The following MYOM2 variants were observed in gnomAD, a reference collection of about 807,000 sequenced individuals.
MYOM2 encodes the protein myomesin 2, also known as myomesin-2.
In MYOM2, 254 loss-of-function variants were observed where a neutral mutation model predicts 187.6. That is an observed-to-expected ratio of 1.35 (90% confidence interval 1.22 to 1.50). The LOEUF (loss-of-function observed/expected upper bound fraction) is 1.50. Ranked by LOEUF, MYOM2 falls within the 40% of genes most tolerant of loss-of-function variation. The pLI is 0.00. For missense variants in MYOM2, 2,796 were observed against 1,924.0 expected (o/e 1.45, Z -8.48); for synonymous variants, 981 against 753.8 (o/e 1.30, Z -4.94).
intron 13 of MYOM2, among the ~76,000 whole-genome samples, chr8:2,082,677 G>T (rs1819669120): frequency 1.3e-5 from 2 of 152,174 alleles, no homozygotes; most frequent in East Asian, 1.9e-4. Flanking sequence ...GGCCAGAATA[G>T]ACCCTCACAG....
chr8:2,090,641 G>C (rs1796267598), intron 15 of MYOM2, among the ~76,000 whole-genome samples: 1 of 152,028 alleles, frequency 6.6e-6, no homozygotes, highest in South Asian at 2.1e-4. Flanking sequence ...CCCTCTGATA[G>C]TCCCCCGTGT....
At chr8:2,111,814 T>G (rs1243882056) in intron 25 of MYOM2, among the ~76,000 whole-genome samples, 2 of 152,236 alleles carry the variant, frequency 1.3e-5, no homozygotes, top group East Asian at 3.8e-4. Flanking sequence ...TTCTGTCACT[T>G]TCTATCATTG....
intron 25 of MYOM2, among the ~76,000 whole-genome samples, chr8:2,111,909 C>A (rs541616565): frequency 6.6e-6 from 1 of 152,316 alleles, no homozygotes; most frequent in South Asian, 2.1e-4. Context: ...TGATCTACAT[C>A]TCTGATATAA....
intron 21 of MYOM2, among the ~76,000 whole-genome samples, chr8:2,104,677 C>T (rs1022054362): frequency 1.3e-5 from 2 of 152,034 alleles, no homozygotes; most frequent in South Asian, 2.1e-4. Flanking sequence ...AGCACAGTGC[C>T]GGGATCTGCT....
At chr8:2,085,074 A>G in intron 13 of MYOM2, 189 bp from the exon 14 acceptor site, 1 of 633,328 alleles carries the variant, frequency 1.6e-6, no homozygotes, top group Non-Finnish European at 2.7e-6. Context: ...AGCAAAACTA[A>G]CTGGCTGATC....
chr8:2,098,399 C>G (rs77656254), intron 18 of MYOM2, among the ~76,000 whole-genome samples: 3 of 152,156 alleles, frequency 2.0e-5, no homozygotes, highest in Non-Finnish European at 2.9e-5. Flanking sequence ...CATGCAGAGT[C>G]CAAGTATGGG....
rs1009417128 is a variant in MYOM2, at chr8:2,076,272, T to C, written c.1252T>C (p.Phe418Leu). The C allele has an allele frequency of 5.6e-6, 9 of 1,613,478 alleles. No homozygotes were observed. The highest frequency in any genetic ancestry group is 1.3e-5 in the African/African-American group (1 of 74,900). ...TTTESPVMGYFVDRCEVGTNN... is the reference protein window; with the variant it reads ...TTTESPVMGYLVDRCEVGTNN... ...CACTGAGAGCCCCGTCATGGGCTAT[T>C]TTGTGGACCGGTGAGCGTCTTGCAT... The change falls in exon 11 of 37, where the codon TTT (phenylalanine) becomes CTT (leucine). Residue 418 changes from phenylalanine (F) to leucine (L), a missense_variant. Transcript: ENST00000262113.
At chr8:2,136,531 C>A (rs967227001) in intron 32 of MYOM2, among the ~76,000 whole-genome samples, 1 of 152,176 alleles carries the variant, frequency 6.6e-6, no homozygotes, top group Admixed American at 6.5e-5. Flanking sequence ...AAGAATCTCT[C>A]GCTGAAGTAG....
chr8:2,110,316 G>T (rs949539947), intron 25 of MYOM2, among the ~76,000 whole-genome samples: 1 of 152,144 alleles, frequency 6.6e-6, no homozygotes, highest in Non-Finnish European at 1.5e-5. Flanking sequence ...GCAAGGCTCT[G>T]TCTCAAAACA....
At chr8:2,134,215 C>G (rs1397244677) in intron 32 of MYOM2, among the ~76,000 whole-genome samples, 2 of 152,114 alleles carry the variant, frequency 1.3e-5, no homozygotes, top group Non-Finnish European at 2.9e-5. Context: ...TGTCCTGGCT[C>G]CTGGTTTCCC....
At chr8:2,138,363 T>G (rs1798154707) in intron 32 of MYOM2, among the ~76,000 whole-genome samples, 2 of 152,192 alleles carry the variant, frequency 1.3e-5, no homozygotes, top group East Asian at 1.9e-4. Flanking sequence ...TGAGAGCAGC[T>G]GGGCGGAGCC....
chr8:2,117,990 C>G, intron 28 of MYOM2, 38 bp downstream of exon 28: 1 of 1,582,092 alleles, frequency 6.3e-7, no homozygotes, highest in Non-Finnish European at 8.7e-7. Context: ...CAATAAATCT[C>G]ATTCTGGTTC....
intron 25 of MYOM2, among the ~76,000 whole-genome samples, chr8:2,112,485 C>T (rs557054525): frequency 1.8e-4 from 28 of 151,904 alleles, no homozygotes; most frequent in African/African-American, 6.5e-4. Flanking sequence ...CAGGGAATAG[C>T]GACACAGGGA....
rs1796056888 is a variant in MYOM2 at position 2,086,387 on chromosome 8, T to TACTGTCGTGATCTCCGCGTGGCCC, written c.1644+997_1644+998insACTGTCGTGATCTCCGCGTGGCCC. Among the ~76,000 whole-genome samples, 20 of 4,154 alleles carry TACTGTCGTGATCTCCGCGTGGCCC rather than the reference T, an allele frequency of 4.8e-3. 8 individuals are homozygous for TACTGTCGTGATCTCCGCGTGGCCC. Among genetic ancestry groups the TACTGTCGTGATCTCCGCGTGGCCC allele is most frequent in the Admixed American group, 7.1e-3 (3 of 420 alleles). The allele number at this position is 4,154 out of a possible 152,430, so 2.7% of individuals were successfully genotyped here. A position where few individuals can be genotyped will look rare whatever the true frequency, so the allele number is the denominator to read the frequency against. ...CCACTGTTGTGATCTCTGCGTGGCC[T>TACTGTCGTGATCTCCGCGTGGCCC]CCCACTGTTGTGATCTCTGCGTGGC... On this transcript the variant is annotated intron_variant, in intron 14 of 36. Transcript: ENST00000262113.
chr8:2,046,805 T>C (rs1220603681), intron 1 of MYOM2, among the ~76,000 whole-genome samples: 1 of 150,820 alleles, frequency 6.6e-6, no homozygotes, highest in African/African-American at 2.4e-5. Context: ...ATGTCTGAGA[T>C]AGTTCCTTAA....
At chr8:2,126,162 C>T (rs1797627293) in intron 31 of MYOM2, among the ~76,000 whole-genome samples, 1 of 152,144 alleles carries the variant, frequency 6.6e-6, no homozygotes, top group Admixed American at 6.5e-5. Flanking sequence ...GTGTGCTTGT[C>T]ACCTCGAAGC....
At chr8:2,074,435 C>T (rs538128658) in intron 10 of MYOM2, among the ~76,000 whole-genome samples, 4 of 151,994 alleles carry the variant, frequency 2.6e-5, no homozygotes, top group Admixed American at 2.6e-4. Context: ...AAGGGGCCCA[C>T]CTACTCCCAC....
intron 3 of MYOM2, among the ~76,000 whole-genome samples, chr8:2,053,358 T>C (rs1818554381): frequency 6.6e-6 from 1 of 152,266 alleles, no homozygotes; most frequent in Non-Finnish European, 1.5e-5. Context: ...CTTTGAAATG[T>C]AGATGTTAAC....
Position 2,100,105 on chromosome 8 carries a change from CTTCTTTCTTTCCTTCCTTCCTTCT to C in MYOM2, c.2441-767_2441-744del, listed in dbSNP as rs1796643875. 2.4e-3 allele frequency among the ~76,000 whole-genome samples: 164 copies of C among 67,224 alleles called. 2 individuals carry two copies. Among genetic ancestry groups the C allele is most frequent in the Admixed American group, 3.3e-3 (19 of 5,674 alleles). The allele number at this position is 67,224 out of a possible 152,430, so 44.1% of individuals were successfully genotyped here. ...TCTTCTTTCCTTCCTTCCTTCCTTC[CTTCTTTCTTTCCTTCCTTCCTTCT>C]TTCCTTCCTTCCTTCCTTCCTTCCT... On this transcript the variant is annotated intron_variant, in intron 19 of 36. Transcript: ENST00000262113.
Sources: allele counts gnomAD v4.1 joint callset (sites outside exome capture counted in the v4.1 genomes callset), GRCh38; gene constraint gnomAD v4.1.1; transcripts MANE v1.5; gene names NCBI Gene and HGNC (gene_info 2026-07-23, HGNC 2026-07-21).